The following PTPRM variants were observed in gnomAD, a reference collection of about 807,000 sequenced individuals.
The protein encoded by PTPRM is receptor-type tyrosine-protein phosphatase mu.
In PTPRM, 47 loss-of-function variants were observed where a neutral mutation model predicts 186.7. The observed-to-expected ratio is 0.25, with a 90% CI of 0.20 to 0.32. The LOEUF (loss-of-function observed/expected upper bound fraction) is 0.32. Ranked by LOEUF, PTPRM falls within the 10% of genes least tolerant of loss-of-function variation. The pLI, the probability that PTPRM is intolerant of heterozygous loss-of-function variation, is 1.00. For synonymous variants in PTPRM, 668 were observed against 674.9 expected, an observed-to-expected ratio of 0.99 and a Z score of 0.16; for missense variants, 1,494 against 1,865.0, an observed-to-expected ratio of 0.80 and a Z score of 3.66.
intron 1 of PTPRM, among the ~76,000 whole-genome samples, chr18:7,718,768 TAAA>T: frequency 6.6e-6 from 1 of 152,206 alleles, no homozygotes; most frequent in Non-Finnish European, 1.5e-5. Context: ...AGATGATTCT[TAAA>T]AGAAGATATA....
chr18:8,400,542 A>G (rs142593853), intron 32 of PTPRM, among the ~76,000 whole-genome samples: 99 of 152,302 alleles, frequency 6.5e-4, no homozygotes, highest in African/African-American at 2.2e-3. Context: ...AAGTTGGTGT[A>G]GGAGGATCAG....
intron 14 of PTPRM, among the ~76,000 whole-genome samples, chr18:8,237,054 G>A (rs553670022): frequency 1.3e-5 from 2 of 151,908 alleles, no homozygotes; most frequent in East Asian, 3.9e-4. Flanking sequence ...GGTTGCCCTA[G>A]AGTTCACATA....
chr18:7,687,778 ATT>A (rs35120781), intron 1 of PTPRM, among the ~76,000 whole-genome samples: 22 of 140,292 alleles, frequency 1.6e-4, no homozygotes, highest in Admixed American at 2.2e-4. Context: ...GAGCTATAAG[ATT>A]TTTTTTTTTT....
intron 7 of PTPRM, among the ~76,000 whole-genome samples, chr18:7,964,732 A>G (rs896560606): frequency 6.6e-6 from 1 of 152,216 alleles, no homozygotes; most frequent in Non-Finnish European, 1.5e-5. Flanking sequence ...CAGTTTAAGC[A>G]AAACAAAAAA....
At chr18:7,639,447 C>T (rs555047812) in intron 1 of PTPRM, among the ~76,000 whole-genome samples, 3 of 150,088 alleles carry the variant, frequency 2.0e-5, no homozygotes, top group African/African-American at 7.4e-5. Flanking sequence ...AGTGCGATGG[C>T]GTGATCTTGG....
At chr18:7,733,382 A>G (rs2040701903) in intron 1 of PTPRM, among the ~76,000 whole-genome samples, 2 of 152,278 alleles carry the variant, frequency 1.3e-5, no homozygotes, top group South Asian at 2.1e-4. Flanking sequence ...GATGGCTTCC[A>G]GCTTCATCCA....
At chr18:8,165,666 G>C (rs1473095195) in intron 14 of PTPRM, among the ~76,000 whole-genome samples, 1 of 152,224 alleles carries the variant, frequency 6.6e-6, no homozygotes, top group Non-Finnish European at 1.5e-5. Flanking sequence ...GCACCAGAGA[G>C]TGAAATATGG....
chr18:8,182,906 T>C (rs2093595638), intron 14 of PTPRM, among the ~76,000 whole-genome samples: 1 of 152,206 alleles, frequency 6.6e-6, no homozygotes, highest in Non-Finnish European at 1.5e-5. Context: ...GGTATGCATC[T>C]GTCAGTCTGT....
At chr18:8,376,639 G>A in intron 26 of PTPRM, 42 bp downstream of exon 26, 1 of 1,579,264 alleles carries the variant, frequency 6.3e-7, no homozygotes, top group Non-Finnish European at 8.6e-7. Flanking sequence ...TGGTCCCTGG[G>A]CTCCCTCCTG....
intron 14 of PTPRM, among the ~76,000 whole-genome samples, chr18:8,145,661 T>C (rs1053476085): frequency 4.6e-5 from 7 of 152,338 alleles, no homozygotes; most frequent in Non-Finnish European, 7.3e-5. Flanking sequence ...CTCATCCTTT[T>C]TTATGGCTGC....
intron 5 of PTPRM, among the ~76,000 whole-genome samples, chr18:7,947,351 C>G (rs1463255520): frequency 6.6e-6 from 1 of 152,120 alleles, no homozygotes; most frequent in African/African-American, 2.4e-5. Context: ...TCTGGATGAT[C>G]ACTATAGGTT....
At chr18:7,928,779 A>G (rs532772988) in intron 5 of PTPRM, among the ~76,000 whole-genome samples, 1 of 152,314 alleles carries the variant, frequency 6.6e-6, no homozygotes, top group East Asian at 1.9e-4. Context: ...TTTGTTGAGG[A>G]CATGATTTGC....
At position 7,785,653 on chromosome 18, in the gene PTPRM, C is replaced by A. The variant is rs1338956445; in HGVS notation, c.196+11382C>A. On this transcript the variant is annotated intron_variant, in intron 2 of 32. Transcript: ENST00000580170. ...TTTTTCTCCATTGGTACATTTTAGGCAAAATGCTATTCCATCAAATTGCAT... is the reference window on the plus strand; with the variant it reads ...TTTTTCTCCATTGGTACATTTTAGGAAAAATGCTATTCCATCAAATTGCAT... Among the ~76,000 whole-genome samples the A allele has an allele frequency of 3.3e-5, 5 of 152,278 alleles. No individual in the cohort carries two copies. In the South Asian group the frequency reaches 6.2e-4, roughly 19 times the overall value.
intron 23 of PTPRM, among the ~76,000 whole-genome samples, chr18:8,359,104 A>C (rs371865156): frequency 1.5e-5 from 2 of 131,842 alleles, no homozygotes; most frequent in Non-Finnish European, 3.3e-5. Flanking sequence ...TTAAAAAGAC[A>C]AAAAAAGCAA....
intron 14 of PTPRM, among the ~76,000 whole-genome samples, chr18:8,145,398 G>A (rs949122247): frequency 6.6e-5 from 10 of 152,132 alleles, no homozygotes; most frequent in African/African-American, 1.7e-4. Context: ...AGGTATACAC[G>A]TGCCATGGTG....
At chr18:7,820,382 A>G (rs2045118435) in intron 2 of PTPRM, among the ~76,000 whole-genome samples, 1 of 152,292 alleles carries the variant, frequency 6.6e-6, no homozygotes, top group East Asian at 1.9e-4. Flanking sequence ...GGCACCTCCA[A>G]CTGAATAAAA....
intron 13 of PTPRM, 152 bp downstream of exon 13, chr18:8,114,979 A>G (rs1403240707): frequency 1.3e-5 from 8 of 593,374 alleles, no homozygotes; most frequent in Non-Finnish European, 2.0e-5. Context: ...GCATGTATGT[A>G]TTAGGATCTG....
At chr18:8,282,004 C>T (rs1778518727) in intron 19 of PTPRM, among the ~76,000 whole-genome samples, 1 of 151,856 alleles carries the variant, frequency 6.6e-6, no homozygotes, top group Admixed American at 6.6e-5. Flanking sequence ...AAAAGACAAG[C>T]TGAAGACTGG....
intron 2 of PTPRM, among the ~76,000 whole-genome samples, chr18:7,817,119 C>T (rs1342350230): frequency 6.6e-6 from 1 of 151,942 alleles, no homozygotes; most frequent in Non-Finnish European, 1.5e-5. Context: ...GGATTACAGA[C>T]ATGTGCCACT....
Sources: gnomAD v4.1 joint callset for allele counts (sites outside exome capture counted in the v4.1 genomes callset) on GRCh38, gnomAD v4.1.1 for gene constraint, MANE v1.5 for transcripts, NCBI Gene and HGNC (gene_info 2026-07-23, HGNC 2026-07-21) for gene names.